Variants in HOOK3 observed in about 807,000 individuals in gnomAD.
The protein encoded by HOOK3 is protein Hook homolog 3.
Under a neutral mutation model 116.3 loss-of-function variants are expected in HOOK3, and 24 were observed. The ratio of observed to expected loss-of-function variants is 0.21; its 90% CI spans 0.15 to 0.29. The LOEUF is 0.29. Among genes scored for constraint, HOOK3 ranks in the 10% least tolerant of loss-of-function variants. The pLI is 1.00. For synonymous variants in HOOK3, 275 were observed against 283.0 expected (o/e 0.97, Z 0.28); for missense variants, 632 against 830.2 (o/e 0.76, Z 2.93).
Position 43,022,451 on chromosome 8 carries a change from A to G in HOOK3, c.*3953A>G, listed in dbSNP as rs1809848616. ...TTGGGTTGGAGCACACTGTCACCAC[A>G]GTGTCTGAAGTCTTATAAACAGGAA... On this transcript the variant is annotated 3_prime_UTR_variant, in exon 22 of 22. Coordinates refer to ENST00000307602, the MANE Select transcript of HOOK3 (RefSeq NM_032410.4). 1 of 200,090 alleles carries G rather than the reference A, an allele frequency of 5.0e-6. No homozygotes were observed. The highest frequency in any genetic ancestry group is 1.0e-5 in the Non-Finnish European group (1 of 97,022). 12.4% of individuals were successfully genotyped at this position (200,090 alleles called of 1,614,324 possible).
At position 43,002,154 on chromosome 8, in the gene HOOK3, G is replaced by A. The variant is rs1809393135; in HGVS notation, c.1655+13G>A. 2 of 1,589,562 alleles carry A rather than the reference G, an allele frequency of 1.3e-6. No individual in the cohort carries two copies. Among genetic ancestry groups the A allele is most frequent in the Middle Eastern group, 1.7e-4 (1 of 6,012 alleles). ...TTGAAGAACATCTGTAAGTATAAAA[G>A]CTGTTGAGGCTGATTCTTCTATAGT... On this transcript the variant is annotated intron_variant, in intron 17 of 21. Coordinates refer to ENST00000307602, the MANE Select transcript of HOOK3 (RefSeq NM_032410.4).
intron 15 of HOOK3, among the ~76,000 whole-genome samples, chr8:42,993,636 G>A (rs897757346): frequency 6.6e-6 from 1 of 152,088 alleles, no homozygotes; most frequent in Admixed American, 6.5e-5. Flanking sequence ...CATCGGATCT[G>A]GGGCCTTTAT....
In HOOK3 at chr8:43,021,120, A is replaced by AAAAAAC. The variant is rs1563316599; in HGVS notation, c.*2627_*2628insCAAAAA. 5.2e-6 allele frequency: 1 copy of AAAAAAC among 193,422 alleles called. No homozygotes were observed. The highest frequency in any genetic ancestry group is 2.3e-5 in the African/African-American group (1 of 42,570). The allele number at this position is 193,422 out of a possible 1,614,324, so 12.0% of individuals were successfully genotyped here. A position where few individuals can be genotyped will look rare whatever the true frequency, so the allele number is the denominator to read the frequency against. ...CTGTCGCAAGAAAAAAAAAAAAAAA[A>AAAAAAC]AAAAAAAAAAAAACAGTCTGTGAAC... On this transcript the variant is annotated 3_prime_UTR_variant, in exon 22 of 22. Transcript: ENST00000307602.
At chr8:43,010,464 T>A in intron 19 of HOOK3, 59 bp downstream of exon 19, 1 of 515,614 alleles carries the variant, frequency 1.9e-6, no homozygotes, top group Non-Finnish European at 3.2e-6. Context: ...CAGTGAAGTC[T>A]CAAATATAAT....
At chr8:42,977,643 G>A (rs1424951951) in intron 13 of HOOK3, among the ~76,000 whole-genome samples, 1 of 152,192 alleles carries the variant, frequency 6.6e-6, no homozygotes, top group Non-Finnish European at 1.5e-5. Flanking sequence ...AAGGCAGGCA[G>A]ATCACTTGAG....
intron 18 of HOOK3, among the ~76,000 whole-genome samples, chr8:43,009,786 C>G (rs914716006): frequency 6.6e-6 from 1 of 152,168 alleles, no homozygotes; most frequent in South Asian, 2.1e-4. Context: ...TCATCTCAAA[C>G]CGAAGTTCTC....
At chr8:43,006,384 G>A (rs1228202528) in intron 17 of HOOK3, among the ~76,000 whole-genome samples, 1 of 151,604 alleles carries the variant, frequency 6.6e-6, no homozygotes, top group Non-Finnish European at 1.5e-5. Flanking sequence ...GCACAATCTC[G>A]GCTCACTGCA....
intron 6 of HOOK3, among the ~76,000 whole-genome samples, chr8:42,956,258 G>GTGTT (rs1808433964): frequency 6.6e-6 from 1 of 150,986 alleles, no homozygotes; most frequent in Non-Finnish European, 1.5e-5. Flanking sequence ...GTGTGTGTGT[G>GTGTT]TGTGTGTTAT....
At chr8:42,962,941 A>G (rs1242156582) in intron 8 of HOOK3, among the ~76,000 whole-genome samples, 2 of 151,300 alleles carry the variant, frequency 1.3e-5, no homozygotes, top group South Asian at 4.2e-4. Context: ...AGCTGGGATT[A>G]CAGGCGTTTG....
rs1160261096 is a variant in HOOK3 at position 42,986,690 on chromosome 8, T to C, written c.1427T>C (p.Met476Thr). The C allele has an allele frequency of 6.2e-7, 1 of 1,613,656 alleles. No individual in the cohort carries two copies. The highest frequency in any genetic ancestry group is 8.5e-7 in the Non-Finnish European group (1 of 1,179,784). ...KLIRLQHENK[M>T]LKLNQEGSDN... The stretch of plus-strand genomic sequence containing the variant: ...ATTCGTCTTCAGCATGAGAATAAGA[T>C]GTTAAAGCTTAACCAAGAAGGTTCG... The change falls in exon 15 of 22, where the codon ATG (methionine) becomes ACG (threonine). Residue 476 changes from methionine (M) to threonine (T), a missense_variant. Around this residue, in one of 3 missense-constraint regions of HOOK3, gnomAD observed 483 missense variants for 648.1 expected, o/e 0.75. Transcript: ENST00000307602.
At chr8:42,973,070 A>G (rs1440609886) in intron 11 of HOOK3, among the ~76,000 whole-genome samples, 1 of 152,180 alleles carries the variant, frequency 6.6e-6, no homozygotes, top group African/African-American at 2.4e-5. Context: ...AGATTCGTTT[A>G]TGATTTTGAA....
At chr8:42,947,844 TTG>T (rs34254144) in intron 5 of HOOK3, among the ~76,000 whole-genome samples, 26,559 of 150,836 alleles carry the variant, frequency 0.18, 3,754 homozygotes, top group African/African-American at 0.38. Context: ...GTGAATGAAA[TTG>T]TGTGTGTGTG....
chr8:43,009,592 G>A (rs1809564926), intron 18 of HOOK3, among the ~76,000 whole-genome samples: 2 of 152,074 alleles, frequency 1.3e-5, no homozygotes, highest in Non-Finnish European at 2.9e-5. Context: ...ACTCCTGTAG[G>A]TAGCTTGATT....
intron 2 of HOOK3, among the ~76,000 whole-genome samples, chr8:42,910,745 T>C (rs934297744): frequency 6.6e-6 from 1 of 152,240 alleles, no homozygotes; most frequent in African/African-American, 2.4e-5. Flanking sequence ...ATGGCTACTT[T>C]GTGTCCAGCA....
At chr8:42,982,065 C>A (rs191354786) in intron 13 of HOOK3, among the ~76,000 whole-genome samples, 298 of 150,806 alleles carry the variant, frequency 2.0e-3, no homozygotes, top group African/African-American at 6.7e-3. Context: ...ACCAGCCTGG[C>A]CAATGTGGTG....
At chr8:42,969,066 A>G (rs1028109955) in intron 11 of HOOK3, among the ~76,000 whole-genome samples, 1 of 152,126 alleles carries the variant, frequency 6.6e-6, no homozygotes, top group African/African-American at 2.4e-5. Flanking sequence ...TAGTCTCTGT[A>G]CCAAAATTTA....
At chr8:42,934,924 G>A (rs1586598188) in intron 4 of HOOK3, among the ~76,000 whole-genome samples, 1 of 152,262 alleles carries the variant, frequency 6.6e-6, no homozygotes, top group African/African-American at 2.4e-5. Flanking sequence ...GGATTGCTGG[G>A]TCAAATAGTA....
chr8:42,964,400 C>T lies in HOOK3; in HGVS notation c.705C>T (p.Asp235=), dbSNP rs777674228. The change falls in exon 9 of 22, where the codon GAC becomes GAT. Residue 235 remains aspartate, a synonymous_variant. Transcript: ENST00000307602. ...TCAATCAATCTGATTCTATAGAAGACCCTAACAGTCCAGCAGGAAGAAGGC... is the reference window on the plus strand; with the variant it reads ...TCAATCAATCTGATTCTATAGAAGATCCTAACAGTCCAGCAGGAAGAAGGC... The part of the protein sequence containing the change: ...ERLNQSDSIE[D]PNSPAGRRHL... 4 of 1,613,888 alleles carry T rather than the reference C, an allele frequency of 2.5e-6. No individual in the cohort carries two copies. The African/African-American group carries it at 4.0e-5, about 16-fold the overall frequency.
chr8:42,907,840 C>G (rs1004665057), intron 2 of HOOK3, among the ~76,000 whole-genome samples: 1 of 53,350 alleles, frequency 1.9e-5, no homozygotes, highest in Non-Finnish European at 3.9e-5. Flanking sequence ...AAAAAAAAAA[C>G]AGTAAAAGGT....
Sources: allele counts gnomAD v4.1 joint callset (sites outside exome capture counted in the v4.1 genomes callset), GRCh38; gene constraint gnomAD v4.1.1; regional missense constraint gnomAD v4.1.1; transcripts MANE v1.5; gene names NCBI Gene and HGNC (gene_info 2026-07-23, HGNC 2026-07-21).